The following WDFY2 variants were observed in gnomAD, a reference collection of about 807,000 sequenced individuals.
WDFY2 encodes WD repeat and FYVE domain containing 2, also known as WD repeat and FYVE domain-containing protein 2.
In WDFY2, 36 loss-of-function variants were observed where a neutral mutation model predicts 56.4. The ratio of observed to expected loss-of-function variants is 0.64; its 90% CI spans 0.49 to 0.84. The LOEUF (loss-of-function observed/expected upper bound fraction) is 0.84. Among genes scored for constraint, WDFY2 ranks in the 40% least tolerant of loss-of-function variants. The pLI, the probability that WDFY2 is intolerant of heterozygous loss-of-function variation, is 0.00. For synonymous variants in WDFY2, 176 were observed against 183.7 expected (o/e 0.96, Z 0.34); for missense variants, 444 against 512.2 (o/e 0.87, Z 1.29).
chr13:51,669,431 A>G (rs894977776), intron 2 of WDFY2, among the ~76,000 whole-genome samples: 1 of 152,240 alleles, frequency 6.6e-6, no homozygotes, highest in East Asian at 1.9e-4. Flanking sequence ...AAGTCTTGAT[A>G]CTAATATAAG....
At chr13:51,659,966 A>G (rs527671916) in intron 1 of WDFY2, among the ~76,000 whole-genome samples, 2 of 152,360 alleles carry the variant, frequency 1.3e-5, no homozygotes, top group African/African-American at 4.8e-5. Flanking sequence ...CTAGCCGTCA[A>G]GGGCAAAGGT....
rs1953596317 is a variant in WDFY2 at position 51,761,928 on chromosome 13, A to G, written c.*2159A>G. On this transcript the variant is annotated 3_prime_UTR_variant, in exon 12 of 12. Coordinates refer to ENST00000298125, the MANE Select transcript of WDFY2 (RefSeq NM_052950.4). ...TCGCCTCGCTGCCCTGGTCCAGACT[A>G]CCCTTGCTTGCGTCAGTCAAAACTG... is the stretch of plus-strand genomic sequence containing the variant. The G allele has an allele frequency of 6.6e-6, 1 of 152,144 alleles. No individual in the cohort carries two copies. The highest frequency in any genetic ancestry group is 1.5e-5 in the Non-Finnish European group (1 of 68,028). 9.4% of individuals were successfully genotyped at this position (152,144 alleles called of 1,614,324 possible). A position where few individuals can be genotyped will look rare whatever the true frequency, so the allele number is the denominator to read the frequency against.
intron 7 of WDFY2, among the ~76,000 whole-genome samples, chr13:51,747,998 A>T (rs886838024): frequency 9.9e-5 from 15 of 152,186 alleles, no homozygotes; most frequent in African/African-American, 3.4e-4. Context: ...TCTTCTTCAA[A>T]GGGTTCCCTT....
intron 1 of WDFY2, among the ~76,000 whole-genome samples, chr13:51,623,019 G>A (rs1012103996): frequency 6.6e-6 from 1 of 151,772 alleles, no homozygotes; most frequent in African/African-American, 2.4e-5. Context: ...AACCATGCCT[G>A]GCTAATTTTT....
chr13:51,666,170 A>G (rs979187552), intron 2 of WDFY2, among the ~76,000 whole-genome samples: 1 of 152,232 alleles, frequency 6.6e-6, no homozygotes, highest in South Asian at 2.1e-4. Flanking sequence ...TTTGTGGTGA[A>G]CAGCATGAAC....
At chr13:51,613,976 G>A (rs1234923726) in intron 1 of WDFY2, among the ~76,000 whole-genome samples, 1 of 151,980 alleles carries the variant, frequency 6.6e-6, no homozygotes, top group Non-Finnish European at 1.5e-5. Context: ...CATGAGGTCA[G>A]GAGTTTGAGA....
chr13:51,675,839 G>A (rs1332465564), intron 3 of WDFY2, among the ~76,000 whole-genome samples: 3 of 152,172 alleles, frequency 2.0e-5, no homozygotes, highest in Non-Finnish European at 4.4e-5. Flanking sequence ...GAACTGAAGT[G>A]ATTAAAGATT....
intron 2 of WDFY2, among the ~76,000 whole-genome samples, chr13:51,670,494 C>CAA (rs1955788216): frequency 1.7e-5 from 1 of 60,414 alleles, no homozygotes. Flanking sequence ...CACATGCACA[C>CAA]ACACACACAC....
chr13:51,719,408 A>G, intron 5 of WDFY2, 60 bp downstream of exon 5: 1 of 1,505,382 alleles, frequency 6.6e-7, no homozygotes, highest in South Asian at 1.4e-5. Flanking sequence ...TCTTTGATTC[A>G]TGAAATTTTG....
Position 51,725,657 on chromosome 13 carries a change from CAT to C in WDFY2, c.486-2018_486-2017del, listed in dbSNP as rs1304681711. Among the ~76,000 whole-genome samples the C allele has an allele frequency of 4.0e-5, 6 of 150,134 alleles. No individual in the cohort carries two copies. In the South Asian group the frequency reaches 8.4e-4, roughly 21 times the overall value. On this transcript the variant is annotated intron_variant, in intron 5 of 11. Transcript: ENST00000298125. ...TGAGATATATATGTGTATGTATATA[CAT>C]ATGTGTGTGTGTGTGTATATATCTA...
At chr13:51,738,098 T>A (rs1297840007) in intron 6 of WDFY2, among the ~76,000 whole-genome samples, 2 of 152,196 alleles carry the variant, frequency 1.3e-5, no homozygotes, top group Non-Finnish European at 2.9e-5. Context: ...ACTGATAATC[T>A]CAATAAGAAA....
chr13:51,621,995 G>C (rs1954737735), intron 1 of WDFY2, among the ~76,000 whole-genome samples: 4 of 152,156 alleles, frequency 2.6e-5, no homozygotes, highest in African/African-American at 9.7e-5. Flanking sequence ...GATGTAGAAA[G>C]ATGAGTGTGT....
At chr13:51,736,182 C>T (rs1225063691) in intron 6 of WDFY2, among the ~76,000 whole-genome samples, 2 of 152,160 alleles carry the variant, frequency 1.3e-5, no homozygotes, top group Non-Finnish European at 2.9e-5. Flanking sequence ...AGTGGTGCTT[C>T]CCATGTGCTA....
chr13:51,605,756 T>G (rs536378521), intron 1 of WDFY2, among the ~76,000 whole-genome samples: 57 of 152,318 alleles, frequency 3.7e-4, no homozygotes, highest in Middle Eastern at 3.4e-3. Context: ...TGAAGGAGAA[T>G]GCAAAGGGTA....
chr13:51,673,253 A>T (rs1039389045), intron 2 of WDFY2, among the ~76,000 whole-genome samples: 1 of 152,182 alleles, frequency 6.6e-6, no homozygotes, highest in Non-Finnish European at 1.5e-5. Context: ...ATCACATTCA[A>T]ATTTCAGTGG....
intron 2 of WDFY2, among the ~76,000 whole-genome samples, chr13:51,666,952 G>A (rs562445916): frequency 3.9e-5 from 6 of 152,302 alleles, no homozygotes; most frequent in African/African-American, 1.4e-4. Flanking sequence ...AGAATGGCTT[G>A]TAGGTTAGAC....
chr13:51,594,172 G>A (rs1178409994), intron 1 of WDFY2: 3 of 152,122 alleles, frequency 2.0e-5, no homozygotes, highest in African/African-American at 4.8e-5. Context: ...TCCTGCCTCA[G>A]GTTACTGAAT....
At chr13:51,668,325 G>GT (rs1235722614) in intron 2 of WDFY2, among the ~76,000 whole-genome samples, 1 of 152,086 alleles carries the variant, frequency 6.6e-6, no homozygotes, top group Non-Finnish European at 1.5e-5. Context: ...ATTTAGTGTA[G>GT]TTAGATCACT....
intron 1 of WDFY2, among the ~76,000 whole-genome samples, chr13:51,642,520 A>T (rs2138406699): frequency 6.6e-6 from 1 of 151,378 alleles, no homozygotes; most frequent in South Asian, 2.1e-4. Flanking sequence ...CTGATCTGGA[A>T]CTCTTGAGCT....
Sources: gnomAD v4.1 joint callset for allele counts (sites outside exome capture counted in the v4.1 genomes callset) on GRCh38, gnomAD v4.1.1 for gene constraint, MANE v1.5 for transcripts, NCBI Gene and HGNC (gene_info 2026-07-23, HGNC 2026-07-21) for gene names.